Variants in FAM114A2 observed in about 807,000 individuals in gnomAD.
FAM114A2 encodes the protein family with sequence similarity 114 member A2.
In FAM114A2, 53 loss-of-function variants were observed where a neutral mutation model predicts 58.4. That is an observed-to-expected ratio of 0.91 (90% CI 0.73 to 1.14). The LOEUF (loss-of-function observed/expected upper bound fraction) is 1.14. Among genes scored for constraint, FAM114A2 ranks in the 50% most tolerant of loss-of-function variants. The pLI, the probability that FAM114A2 is intolerant of heterozygous loss-of-function variation, is 0.00. For synonymous variants in FAM114A2, 228 were observed against 211.4 expected, an observed-to-expected ratio of 1.08 and a Z score of -0.68; for missense variants, 601 against 581.1, an observed-to-expected ratio of 1.03 and a Z score of -0.35.
chr5:153,998,630 T>C (rs535969247), intron 11 of FAM114A2, among the ~76,000 whole-genome samples: 53 of 152,376 alleles, frequency 3.5e-4, no homozygotes, highest in African/African-American at 1.2e-3. Flanking sequence ...CAGATGCCAC[T>C]GCTATGCTCT....
intron 9 of FAM114A2, 56 bp from the exon 10 acceptor site, chr5:154,003,025 G>A: frequency 6.5e-7 from 1 of 1,541,238 alleles, no homozygotes; most frequent in Non-Finnish European, 9.0e-7. Context: ...CAAAATTACT[G>A]TGCACCTACC....
intron 8 of FAM114A2, among the ~76,000 whole-genome samples, chr5:154,019,070 A>G (rs1358724255): frequency 6.6e-6 from 1 of 152,228 alleles, no homozygotes; most frequent in Non-Finnish European, 1.5e-5. Context: ...GCAATCAGAG[A>G]AAGAAATAAA....
chr5:154,000,505 C>T (rs1451322751), intron 11 of FAM114A2, among the ~76,000 whole-genome samples: 3 of 151,788 alleles, frequency 2.0e-5, no homozygotes, highest in African/African-American at 4.8e-5. Flanking sequence ...TTTAAAAAGA[C>T]GGAAAAGGCA....
intron 8 of FAM114A2, among the ~76,000 whole-genome samples, chr5:154,020,426 G>A (rs1771333424): frequency 6.6e-6 from 1 of 151,936 alleles, no homozygotes; most frequent in African/African-American, 2.4e-5. Flanking sequence ...GAAGAGAGAA[G>A]AATCAAATAG....
chr5:153,995,853 T>C (rs1006935850), intron 12 of FAM114A2, among the ~76,000 whole-genome samples: 1 of 152,230 alleles, frequency 6.6e-6, no homozygotes, highest in African/African-American at 2.4e-5. Flanking sequence ...TCCCACCGGC[T>C]GGCAACTGCA....
At chr5:154,027,362 T>G (rs376998543) in intron 6 of FAM114A2, 28 bp from the exon 7 acceptor site, 5 of 1,590,258 alleles carry the variant, frequency 3.1e-6, no homozygotes, top group Non-Finnish European at 3.4e-6. Flanking sequence ...CATTACACTG[T>G]AGCAAACAAT....
intron 9 of FAM114A2, among the ~76,000 whole-genome samples, chr5:154,008,614 T>C (rs1421164103): frequency 2.0e-5 from 3 of 152,066 alleles, no homozygotes; most frequent in South Asian, 2.1e-4. Flanking sequence ...TATACATGAA[T>C]ATAAATGAAT....
intron 11 of FAM114A2, among the ~76,000 whole-genome samples, chr5:153,998,306 A>G (rs1769721486): frequency 6.6e-6 from 1 of 152,186 alleles, no homozygotes; most frequent in Non-Finnish European, 1.5e-5. Flanking sequence ...ATGTTCAAGT[A>G]ACCCTTATTT....
chr5:154,028,069 T>G, intron 6 of FAM114A2, 80 bp downstream of exon 6: 1 of 1,248,098 alleles, frequency 8.0e-7, no homozygotes, highest in Non-Finnish European at 1.1e-6. Context: ...AAGAAAACAC[T>G]AACAAGGTTC....
chr5:154,028,100 T>C, intron 6 of FAM114A2, 49 bp downstream of exon 6: 1 of 1,483,628 alleles, frequency 6.7e-7, no homozygotes, highest in Non-Finnish European at 9.1e-7. Flanking sequence ...AAGGCAAAAA[T>C]ACAGATCAAA....
At position 154,034,784 on chromosome 5, in the gene FAM114A2, G is replaced by T. The variant is rs200185074; in HGVS notation, c.170C>A (p.Pro57His). 3.7e-6 allele frequency: 6 copies of T among 1,614,000 alleles called. No individual in the cohort carries two copies. The East Asian group carries it at 1.1e-4, about 30-fold the overall frequency. Residue 57 changes from proline (P) to histidine (H), a missense_variant, in exon 2 of 14, where the codon CCT becomes CAT. Coordinates refer to ENST00000351797, the MANE Select transcript of FAM114A2 (RefSeq NM_018691.4). ...TTTTGAAGTCTCAAGGTCACTGGAA[G>T]GTTTGGTCTCTGGTCTTTTCCGAGT... The part of the protein sequence containing the change: ...VSTRKRPETK[P>H]SSDLETSKVL...
chr5:154,038,276 C>G (rs745620742), intron 1 of FAM114A2: 2 of 152,178 alleles, frequency 1.3e-5, no homozygotes, highest in Non-Finnish European at 2.9e-5. Flanking sequence ...TATATACACT[C>G]CACCCGCCCC....
rs538289339 is a variant in FAM114A2 at position 154,019,195 on chromosome 5, G to A, written c.913+7204C>T. ...GATAAAAGAATTCAGCAATGTTTCT[G>A]GATACAAAATTAATGTACACAAATC... is the stretch of plus-strand genomic sequence containing the variant. On this transcript the variant is annotated intron_variant, in intron 8 of 13. Coordinates refer to ENST00000351797, the MANE Select transcript of FAM114A2 (RefSeq NM_018691.4). Among the ~76,000 whole-genome samples, 6 of 152,206 alleles carry A rather than the reference G, an allele frequency of 3.9e-5. No individual in the cohort carries two copies. In the South Asian group the frequency reaches 1.2e-3, roughly 32 times the overall value.
intron 8 of FAM114A2, among the ~76,000 whole-genome samples, chr5:154,022,684 G>A (rs1771502267): frequency 1.3e-5 from 2 of 152,206 alleles, no homozygotes; most frequent in Admixed American, 1.3e-4. Flanking sequence ...TTACAATGTT[G>A]GTGGGAGTGT....
chr5:154,005,500 CTGCCAA>C (rs1770291805), intron 9 of FAM114A2, among the ~76,000 whole-genome samples: 1 of 152,168 alleles, frequency 6.6e-6, no homozygotes, highest in African/African-American at 2.4e-5. Flanking sequence ...CACCCTGAAG[CTGCCAA>C]TGGTCATTTT....
Position 154,002,086 on chromosome 5 carries a change from A to G in FAM114A2, c.1256+165T>C, listed in dbSNP as rs528502693. Among the ~76,000 whole-genome samples, 257 of 152,356 alleles carry G rather than the reference A, an allele frequency of 1.7e-3. 1 individual carries two copies. Among genetic ancestry groups the G allele is most frequent in the African/African-American group, 5.9e-3 (247 of 41,588 alleles). On this transcript the variant is annotated intron_variant, in intron 11 of 13. Transcript: ENST00000351797. ...GGCATATTTATAATATTGATTTATCATGGTTCAATGAAAAGAAAAAAACAA... is the reference window on the plus strand; with the variant it reads ...GGCATATTTATAATATTGATTTATCGTGGTTCAATGAAAAGAAAAAAACAA...
intron 2 of FAM114A2, 47 bp downstream of exon 2, chr5:154,034,697 T>C: frequency 7.4e-7 from 1 of 1,352,250 alleles, no homozygotes; most frequent in Non-Finnish European, 1.1e-6. Context: ...CATTTTTTAA[T>C]CCTAATATTT....
chr5:154,029,378 T>G (rs1772024226), intron 5 of FAM114A2, 111 bp downstream of exon 5: 1 of 654,450 alleles, frequency 1.5e-6, no homozygotes, highest in East Asian at 3.0e-5. Flanking sequence ...TGGCTTGGAC[T>G]CCTTTAAAAG....
chr5:153,996,334 C>G (rs146734363), intron 12 of FAM114A2, among the ~76,000 whole-genome samples: 4 of 152,164 alleles, frequency 2.6e-5, no homozygotes, highest in Middle Eastern at 3.4e-3. Context: ...CTGGAACAAA[C>G]GGATATCCAT....
Sources: allele counts gnomAD v4.1 joint callset (sites outside exome capture counted in the v4.1 genomes callset), GRCh38; gene constraint gnomAD v4.1.1; transcripts MANE v1.5; gene names NCBI Gene and HGNC (gene_info 2026-07-23, HGNC 2026-07-21).